Variants in LRMDA observed in about 807,000 individuals in gnomAD.
LRMDA encodes the protein leucine rich melanocyte differentiation associated, also known as leucine-rich melanocyte differentiation-associated protein.
A neutral mutation model predicts 29.8 loss-of-function variants in LRMDA; 18 were observed. That is an observed-to-expected ratio of 0.60 (90% CI 0.42 to 0.90). The LOEUF is 0.90. Ranked by LOEUF, LRMDA falls within the 40% of genes least tolerant of loss-of-function variation. LRMDA has a pLI of 0.00. For missense variants in LRMDA, 273 were observed against 273.9 expected, an observed-to-expected ratio of 1.00 and a Z score of 0.02; for synonymous variants, 125 against 109.4, an observed-to-expected ratio of 1.14 and a Z score of -0.89.
intron 2 of LRMDA, among the ~76,000 whole-genome samples, chr10:75,517,540 A>C (rs1410964409): frequency 6.6e-6 from 1 of 152,116 alleles, no homozygotes; most frequent in Non-Finnish European, 1.5e-5. Flanking sequence ...TGATTTTTGC[A>C]CATTGATTTT....
intron 5 of LRMDA, among the ~76,000 whole-genome samples, chr10:76,203,549 A>G (rs895260621): frequency 1.3e-5 from 2 of 152,260 alleles, no homozygotes; most frequent in Non-Finnish European, 2.9e-5. Context: ...CGGAGAAGAC[A>G]TTGTGAAATA....
chr10:75,958,802 C>T (rs1414380368), intron 2 of LRMDA, among the ~76,000 whole-genome samples: 1 of 152,156 alleles, frequency 6.6e-6, no homozygotes, highest in East Asian at 1.9e-4. Flanking sequence ...TTAATGGACT[C>T]ACAGTTCCAC....
chr10:76,423,750 A>T (rs969020744), intron 6 of LRMDA, among the ~76,000 whole-genome samples: 3 of 152,242 alleles, frequency 2.0e-5, no homozygotes, highest in African/African-American at 7.2e-5. Context: ...CTCAGCTAGA[A>T]TGAGTTTTCC....
rs73286999 is a variant in LRMDA at position 76,263,843 on chromosome 10, C to A, written c.517-60558C>A. ...CTCCTATGTTACAGTGGCAAAACCT[C>A]TGTCAACTCTGATGTCTTCTGCTAC... is the stretch of plus-strand genomic sequence containing the variant. On this transcript the variant is annotated intron_variant, in intron 5 of 6. Transcript: ENST00000611255. Among the ~76,000 whole-genome samples, 1,153 of 152,318 alleles carry A rather than the reference C, an allele frequency of 7.6e-3. 14 individuals are homozygous for A. Among genetic ancestry groups the A allele is most frequent in the African/African-American group, 0.024 (1,018 of 41,566 alleles).
At chr10:76,498,148 T>C (rs2132340844) in intron 6 of LRMDA, among the ~76,000 whole-genome samples, 1 of 75,480 alleles carries the variant, frequency 1.3e-5, no homozygotes, top group African/African-American at 3.2e-5. Flanking sequence ...CAGTTGTAAG[T>C]TTTGATTGTG....
At chr10:76,339,693 G>A (rs117946539) in intron 6 of LRMDA, among the ~76,000 whole-genome samples, 171 of 151,818 alleles carry the variant, frequency 1.1e-3, no homozygotes, top group Non-Finnish European at 2.1e-3. Context: ...TAGGAATAAT[G>A]AGACAAAAAA....
At chr10:75,633,543 G>A (rs1294648855) in intron 2 of LRMDA, among the ~76,000 whole-genome samples, 2 of 152,156 alleles carry the variant, frequency 1.3e-5, no homozygotes, top group African/African-American at 4.8e-5. Flanking sequence ...TGTCTTTTCT[G>A]TCTTAAGCCA....
intron 5 of LRMDA, among the ~76,000 whole-genome samples, chr10:76,255,871 A>G (rs1852585256): frequency 6.6e-6 from 1 of 152,360 alleles, no homozygotes; most frequent in East Asian, 1.9e-4. Flanking sequence ...AGGGGATTTA[A>G]TTTACTAAGA....
chr10:76,035,678 G>A (rs991095645), intron 2 of LRMDA, among the ~76,000 whole-genome samples: 1 of 152,198 alleles, frequency 6.6e-6, no homozygotes, highest in Non-Finnish European at 1.5e-5. Flanking sequence ...GGTCAGCCGA[G>A]GCTGGGTGCC....
At chr10:75,933,381 A>C (rs1564610870) in intron 2 of LRMDA, among the ~76,000 whole-genome samples, 1 of 152,176 alleles carries the variant, frequency 6.6e-6, no homozygotes, top group Non-Finnish European at 1.5e-5. Flanking sequence ...CCCTACACCT[A>C]TGTTTGGATG....
chr10:76,528,657 G>C (rs1843203550), intron 6 of LRMDA, among the ~76,000 whole-genome samples: 1 of 152,144 alleles, frequency 6.6e-6, no homozygotes, highest in Non-Finnish European at 1.5e-5. Context: ...GTTTATGTGA[G>C]TTAGTTAAGA....
At chr10:76,415,559 C>A (rs927397882) in intron 6 of LRMDA, among the ~76,000 whole-genome samples, 3 of 152,064 alleles carry the variant, frequency 2.0e-5, no homozygotes, top group African/African-American at 7.2e-5. Flanking sequence ...TATCTAACAC[C>A]AGTTTCCATA....
intron 2 of LRMDA, among the ~76,000 whole-genome samples, chr10:75,575,966 G>GTTT (rs796940224): frequency 2.8e-5 from 4 of 141,614 alleles, no homozygotes; most frequent in African/African-American, 1.0e-4. Context: ...AGCCACAGGA[G>GTTT]TTTTTTTTTT....
intron 2 of LRMDA, among the ~76,000 whole-genome samples, chr10:75,966,850 G>A (rs896870586): frequency 6.6e-6 from 1 of 152,188 alleles, no homozygotes; most frequent in Non-Finnish European, 1.5e-5. Context: ...AATGCCCTGC[G>A]AGGCTATTAT....
chr10:76,193,823 T>C (rs1851287332), intron 5 of LRMDA, among the ~76,000 whole-genome samples: 1 of 151,996 alleles, frequency 6.6e-6, no homozygotes, highest in Non-Finnish European at 1.5e-5. Context: ...TGTGATAAAA[T>C]GTGTATAAGG....
In LRMDA at chr10:76,298,793, G is replaced by A. The variant is rs1304844837; in HGVS notation, c.517-25608G>A. ...AGTTTCTTATAGGTTTTAACAAATT[G>A]TTTTGTGACTGTATGATGGAAGGTC... On this transcript the variant is annotated intron_variant, in intron 5 of 6. Coordinates refer to ENST00000611255, the MANE Select transcript of LRMDA (RefSeq NM_001305581.2). 2.0e-5 allele frequency among the ~76,000 whole-genome samples: 3 copies of A among 152,108 alleles called. No individual in the cohort carries two copies. In the East Asian group the frequency reaches 5.8e-4, roughly 29 times the overall value.
At chr10:76,503,830 AGTT>A (rs930930257) in intron 6 of LRMDA, among the ~76,000 whole-genome samples, 1 of 145,666 alleles carries the variant, frequency 6.9e-6, no homozygotes, top group Non-Finnish European at 1.5e-5. Context: ...AATTTCATTT[AGTT>A]GTTCTCTAAT....
rs569682668 is a variant in LRMDA, at chr10:75,691,129, G to T, written c.131+252635G>T. On this transcript the variant is annotated intron_variant, in intron 2 of 6. Transcript: ENST00000611255. ...ATAGATCTATATATCTATATACATA[G>T]ATATATAGATCTATATATCTATATA... Among the ~76,000 whole-genome samples the T allele has an allele frequency of 5.1e-4, 46 of 90,594 alleles. No homozygotes were observed. The East Asian group carries it at 6.6e-3, about 13-fold the overall frequency. 59.4% of individuals were successfully genotyped at this position (90,594 alleles called of 152,430 possible). A position where few individuals can be genotyped will look rare whatever the true frequency, so the allele number is the denominator to read the frequency against.
intron 2 of LRMDA, among the ~76,000 whole-genome samples, chr10:75,672,004 A>G (rs759660147): frequency 5.3e-5 from 8 of 152,096 alleles, no homozygotes; most frequent in Non-Finnish European, 1.2e-4. Flanking sequence ...AATGAGAAAG[A>G]CCTTTCTAAC....
Sources: allele counts gnomAD v4.1 joint callset (sites outside exome capture counted in the v4.1 genomes callset), GRCh38; gene constraint gnomAD v4.1.1; transcripts MANE v1.5; gene names NCBI Gene and HGNC (gene_info 2026-07-23, HGNC 2026-07-21).